Variants in MRO observed in about 807,000 individuals in gnomAD.
MRO encodes protein maestro.
A neutral mutation model predicts 31.0 loss-of-function variants in MRO; 28 were observed. That is an observed-to-expected ratio of 0.90 (90% confidence interval 0.67 to 1.24). The LOEUF is 1.24. Ranked by LOEUF, MRO falls within the 50% of genes most tolerant of loss-of-function variation. The pLI, the probability that MRO is intolerant of heterozygous loss-of-function variation, is 0.00. For missense variants in MRO, 332 were observed against 289.2 expected (o/e 1.15, Z -1.07); for synonymous variants, 108 against 108.4 (o/e 1.00, Z 0.02).
At chr18:50,806,061 T>A (rs1310883314) in intron 4 of MRO, among the ~76,000 whole-genome samples, 1 of 151,930 alleles carries the variant, frequency 6.6e-6, no homozygotes, top group African/African-American at 2.4e-5. Context: ...GTAGCTGAGA[T>A]TGCAGGCACA....
At chr18:50,802,427 T>C (rs547240620) in intron 5 of MRO, among the ~76,000 whole-genome samples, 16 of 152,304 alleles carry the variant, frequency 1.1e-4, no homozygotes, top group African/African-American at 3.6e-4. Flanking sequence ...CCAAGGCACT[T>C]AAGGAACTTG....
intron 3 of MRO, 152 bp downstream of exon 3, chr18:50,809,150 A>AC (rs1424813855): frequency 2.0e-5 from 2 of 99,128 alleles, no homozygotes; most frequent in African/African-American, 7.3e-5. Context: ...GTCTCAAAAA[A>AC]AAAAAAAAAA....
intron 4 of MRO, among the ~76,000 whole-genome samples, 182 bp from the exon 5 acceptor site, chr18:50,805,518 A>G (rs1318153553): frequency 6.6e-6 from 1 of 152,096 alleles, no homozygotes; most frequent in East Asian, 1.9e-4. Context: ...CAAGAGCCCA[A>G]CTCAGCCTAG....
At chr18:50,803,638 G>A (rs564866462) in intron 5 of MRO, among the ~76,000 whole-genome samples, 6 of 152,272 alleles carry the variant, frequency 3.9e-5, no homozygotes, top group East Asian at 3.9e-4. Context: ...ACCTTCGCCC[G>A]CTCCCTCCCC....
chr18:50,804,542 A>G (rs1913717808), intron 5 of MRO, among the ~76,000 whole-genome samples: 1 of 151,970 alleles, frequency 6.6e-6, no homozygotes, highest in Non-Finnish European at 1.5e-5. Flanking sequence ...GGGAGGATCA[A>G]TTGAGCCCAG....
At chr18:50,822,296 AT>A (rs1915330296), upstream of MRO, among the ~76,000 whole-genome samples, 2 of 151,696 alleles carry the variant, frequency 1.3e-5, no homozygotes, top group South Asian at 2.1e-4. Flanking sequence ...TGTGAATTAC[AT>A]GTGTATTACA....
At chr18:50,809,477 T>G (rs1914285009) in intron 2 of MRO, 73 bp from the exon 3 acceptor site, 1 of 1,053,946 alleles carries the variant, frequency 9.5e-7, no homozygotes, top group Non-Finnish European at 1.4e-6. Flanking sequence ...GTACAATGCA[T>G]TGTGCTGGGG....
intron 1 of MRO, chr18:50,825,168 C>T (rs76037797): frequency 6.6e-6 from 1 of 152,190 alleles, no homozygotes; most frequent in Non-Finnish European, 1.5e-5. Flanking sequence ...CACCAACACC[C>T]CTACTTCCAA....
chr18:50,803,218 A>C (rs1318662578), intron 5 of MRO, among the ~76,000 whole-genome samples: 1 of 152,182 alleles, frequency 6.6e-6, no homozygotes, highest in African/African-American at 2.4e-5. Context: ...GGGTTTAAAA[A>C]AATGGTTGAA....
chr18:50,821,910 T>A (rs1233894768), upstream of MRO, among the ~76,000 whole-genome samples: 1 of 152,186 alleles, frequency 6.6e-6, no homozygotes, highest in African/African-American at 2.4e-5. Flanking sequence ...TGCAGCTAAC[T>A]GCCCCTAGAG....
chr18:50,816,911 A>G (rs1283237306), intron 2 of MRO, among the ~76,000 whole-genome samples: 2 of 152,112 alleles, frequency 1.3e-5, no homozygotes, highest in East Asian at 1.9e-4. Flanking sequence ...GCTCCTTTCC[A>G]TTGGTAAAGA....
intron 5 of MRO, among the ~76,000 whole-genome samples, chr18:50,802,155 CA>C (rs1466386784): frequency 1.3e-5 from 2 of 151,782 alleles, no homozygotes; most frequent in African/African-American, 4.8e-5. Flanking sequence ...TTTTCTGCAC[CA>C]AAATTCATTC....
intron 6 of MRO, among the ~76,000 whole-genome samples, chr18:50,801,106 C>A (rs1913268829): frequency 6.6e-6 from 1 of 152,138 alleles, no homozygotes; most frequent in East Asian, 1.9e-4. Context: ...ACCCCATTAC[C>A]CTGAGCTTAT....
upstream of MRO, among the ~76,000 whole-genome samples, chr18:50,823,341 T>C (rs1259631580): frequency 6.6e-6 from 1 of 152,236 alleles, no homozygotes; most frequent in Non-Finnish European, 1.5e-5. Flanking sequence ...GAAGAAGCAC[T>C]GGGGTTTATC....
chr18:50,824,527 T>G (rs1239638508), upstream of MRO, among the ~76,000 whole-genome samples: 1 of 150,184 alleles, frequency 6.7e-6, no homozygotes, highest in East Asian at 2.0e-4. Flanking sequence ...CGATCTCGGC[T>G]CACTGCAACC....
chr18:50,809,055 G>A (rs1291654229), intron 3 of MRO, among the ~76,000 whole-genome samples: 2 of 148,714 alleles, frequency 1.3e-5, no homozygotes, highest in Admixed American at 1.3e-4. Context: ...GGAGAATGGC[G>A]TGAACCCGGG....
rs372827564 is a variant in MRO, at chr18:50,806,855, G to A, written c.100-5C>T. On this transcript the variant is annotated splice_polypyrimidine_tract_variant and splice_region_variant and intron_variant, in intron 3 of 7. Coordinates refer to ENST00000398439, the MANE Select transcript of MRO (RefSeq NM_031939.6). ...GAACCTCAGTTTCCAAGAGACCTGGGTGATGGGTCAAAAATGTATTAATTT... is the reference window on the plus strand; with the variant it reads ...GAACCTCAGTTTCCAAGAGACCTGGATGATGGGTCAAAAATGTATTAATTT... 6.2e-7 allele frequency: 1 copy of A among 1,613,904 alleles called. No homozygotes were observed. The highest frequency in any genetic ancestry group is 8.5e-7 in the Non-Finnish European group (1 of 1,179,924).
intron 3 of MRO, among the ~76,000 whole-genome samples, chr18:50,809,063 G>A (rs948748515): frequency 1.9e-4 from 29 of 149,952 alleles, no homozygotes; most frequent in African/African-American, 4.4e-4. Context: ...GCGTGAACCC[G>A]GGAAGTGGAG....
chr18:50,805,385 T>C (rs1913827277), intron 4 of MRO, 49 bp from the exon 5 acceptor site: 1 of 1,547,192 alleles, frequency 6.5e-7, no homozygotes, highest in South Asian at 1.2e-5. Flanking sequence ...CTGCTCCCCA[T>C]AGGTTGAAAA....
Sources: allele counts gnomAD v4.1 joint callset (sites outside exome capture counted in the v4.1 genomes callset), GRCh38; gene constraint gnomAD v4.1.1; transcripts MANE v1.5; gene names NCBI Gene and HGNC (gene_info 2026-07-23, HGNC 2026-07-21).